ADCY5: variants seen among roughly 807,000 people sequenced by gnomAD.
ADCY5 encodes adenylate cyclase type 5.
Under a neutral mutation model 119.7 loss-of-function variants are expected in ADCY5, and 30 were observed. The ratio of observed to expected loss-of-function variants is 0.25; its 90% CI spans 0.19 to 0.34. The LOEUF (loss-of-function observed/expected upper bound fraction) is 0.34. ADCY5 is among the 10% of genes least tolerant of loss of function. The pLI is 1.00. For missense variants in ADCY5, 1,324 were observed against 1,775.2 expected (o/e 0.75, Z 4.57); for synonymous variants, 753 against 762.2 (o/e 0.99, Z 0.20).
At chr3:123,433,346 G>T (rs1165784293) in intron 1 of ADCY5, among the ~76,000 whole-genome samples, 1 of 152,152 alleles carries the variant, frequency 6.6e-6, no homozygotes, top group Admixed American at 6.5e-5. Context: ...GCCAGTCAAG[G>T]GGGCAGATGG....
intron 14 of ADCY5, among the ~76,000 whole-genome samples, chr3:123,302,424 C>T (rs1191422559): frequency 6.6e-6 from 1 of 152,224 alleles, no homozygotes; most frequent in African/African-American, 2.4e-5. Context: ...TCGGTGAACA[C>T]ACTAAAAGCT....
intron 17 of ADCY5, among the ~76,000 whole-genome samples, chr3:123,292,408 C>T (rs1939207808): frequency 6.6e-6 from 1 of 152,164 alleles, no homozygotes; most frequent in Non-Finnish European, 1.5e-5. Flanking sequence ...CAATGGCCAG[C>T]CCTGCCCCTA....
chr3:123,403,596 A>G (rs1944830935), intron 1 of ADCY5, among the ~76,000 whole-genome samples: 1 of 152,182 alleles, frequency 6.6e-6, no homozygotes, highest in Admixed American at 6.5e-5. Context: ...GTGCGCAATC[A>G]GTCCCTGGGT....
rs573807331 is a variant in ADCY5 at position 123,363,004 on chromosome 3, G to A, written c.1135-10423C>T. Among the ~76,000 whole-genome samples, 146 of 151,862 alleles carry A rather than the reference G, an allele frequency of 9.6e-4. 1 individual carries two copies. The highest frequency in any genetic ancestry group is 6.8e-3 in the Middle Eastern group (2 of 292). ...TAAAAACACAAAAAATTAGCTGGGCGTGGTGGTGCGCACCTGTAATCCCAG... is the reference window on the plus strand; with the variant it reads ...TAAAAACACAAAAAATTAGCTGGGCATGGTGGTGCGCACCTGTAATCCCAG... On this transcript the variant is annotated intron_variant, in intron 1 of 20. Transcript: ENST00000462833.
chr3:123,304,559 C>T (rs1940095001), intron 12 of ADCY5, among the ~76,000 whole-genome samples: 1 of 151,914 alleles, frequency 6.6e-6, no homozygotes. Context: ...GTGGAGGGCT[C>T]AGAATGTTCC....
At chr3:123,367,409 G>A (rs950639153) in intron 1 of ADCY5, among the ~76,000 whole-genome samples, 3 of 152,186 alleles carry the variant, frequency 2.0e-5, no homozygotes, top group South Asian at 2.1e-4. Flanking sequence ...ATAAGGAGAC[G>A]TTTGCTTTGA....
intron 1 of ADCY5, among the ~76,000 whole-genome samples, chr3:123,435,578 T>G (rs1559878099): frequency 6.6e-6 from 1 of 152,082 alleles, no homozygotes. Flanking sequence ...AAATCAAGGG[T>G]CCTTGTTTCT....
chr3:123,314,161 C>T, intron 12 of ADCY5, 74 bp downstream of exon 12: 1 of 1,282,978 alleles, frequency 7.8e-7, no homozygotes, highest in Non-Finnish European at 1.1e-6. Context: ...ACATTTTGGG[C>T]CCCTGGGTAG....
At chr3:123,396,771 AAGGAAGGAAGGCAGGCAGGC>A (rs1311074820) in intron 1 of ADCY5, among the ~76,000 whole-genome samples, 14 of 70,288 alleles carry the variant, frequency 2.0e-4, no homozygotes, top group African/African-American at 3.9e-4. Context: ...GGAAGGAAGG[AAGGAAGGAAGGCAGGCAGGC>A]AGGCAGGCAG....
chr3:123,393,424 G>A (rs1469558972), intron 1 of ADCY5, among the ~76,000 whole-genome samples: 1 of 151,978 alleles, frequency 6.6e-6, no homozygotes, highest in Admixed American at 6.6e-5. Flanking sequence ...GGCAGGGTGG[G>A]GTAATGCCTG....
chr3:123,382,425 A>AC (rs1475699222), intron 1 of ADCY5, among the ~76,000 whole-genome samples: 1 of 152,206 alleles, frequency 6.6e-6, no homozygotes. Flanking sequence ...TGAATTATAT[A>AC]CCCCAAATAA....
At chr3:123,410,281 TC>T (rs1168863591) in intron 1 of ADCY5, among the ~76,000 whole-genome samples, 1 of 152,070 alleles carries the variant, frequency 6.6e-6, no homozygotes, top group Non-Finnish European at 1.5e-5. Context: ...AAAGACTCCC[TC>T]CAGGGCAGCT....
intron 1 of ADCY5, among the ~76,000 whole-genome samples, chr3:123,439,917 G>A (rs1027202912): frequency 2.0e-5 from 3 of 152,204 alleles, no homozygotes; most frequent in Non-Finnish European, 4.4e-5. Flanking sequence ...GCAGTGCCAG[G>A]CAACAGCTCT....
At chr3:123,413,109 T>C (rs1945097815) in intron 1 of ADCY5, among the ~76,000 whole-genome samples, 1 of 152,222 alleles carries the variant, frequency 6.6e-6, no homozygotes, top group African/African-American at 2.4e-5. Flanking sequence ...TCCCCTGTTC[T>C]GTTTTCCCAT....
chr3:123,347,905 T>C lies in ADCY5; in HGVS notation c.1285-2A>G. 1 of 1,614,108 alleles carries C rather than the reference T, an allele frequency of 6.2e-7. No homozygotes were observed. The highest frequency in any genetic ancestry group is 8.5e-7 in the Non-Finnish European group (1 of 1,180,012). ...AAGGACAGACAGCAGGAGCCGTTCC[T>C]GCAGAGGGAAGCACATGCTTTCATC... On this transcript the variant is annotated splice_acceptor_variant, in intron 2 of 20. Coordinates refer to ENST00000462833, the MANE Select transcript of ADCY5 (RefSeq NM_183357.3). LOFTEE classifies it high-confidence loss of function.
In ADCY5 at chr3:123,415,712, T is replaced by C. The variant is rs75122191; in HGVS notation, c.1134+31700A>G. ...GGTGCGCCTTCTTACTACATTGTTT[T>C]TCTTTTTAAGTTCTCCTTCATTTAA... On this transcript the variant is annotated intron_variant, in intron 1 of 20. Coordinates refer to ENST00000462833, the MANE Select transcript of ADCY5 (RefSeq NM_183357.3). 9.7e-3 allele frequency among the ~76,000 whole-genome samples: 1,474 copies of C among 152,230 alleles called. 21 individuals are homozygous for C. The highest frequency in any genetic ancestry group is 0.033 in the African/African-American group (1,368 of 41,502).
rs543212616 is a variant in ADCY5, at chr3:123,440,893, A to G, written c.1134+6519T>C. 4.5e-4 allele frequency among the ~76,000 whole-genome samples: 68 copies of G among 152,242 alleles called. 1 individual carries two copies. The highest frequency in any genetic ancestry group is 1.6e-3 in the African/African-American group (67 of 41,536). On this transcript the variant is annotated intron_variant, in intron 1 of 20. Transcript: ENST00000462833. ...CCTCTCATCCTGTTTTACCACCACCACTATGACCCAATCGCCTTCCAGATC... is the reference window on the plus strand; with the variant it reads ...CCTCTCATCCTGTTTTACCACCACCGCTATGACCCAATCGCCTTCCAGATC...
chr3:123,286,388 G>C lies in ADCY5; in HGVS notation c.3657+297C>G, dbSNP rs578106261. Among the ~76,000 whole-genome samples, 1 of 152,218 alleles carries C rather than the reference G, an allele frequency of 6.6e-6. No individual in the cohort carries two copies. Among genetic ancestry groups the C allele is most frequent in the African/African-American group, 2.4e-5 (1 of 41,458 alleles). On this transcript the variant is annotated intron_variant, in intron 20 of 20. Coordinates refer to ENST00000462833, the MANE Select transcript of ADCY5 (RefSeq NM_183357.3). This position sits in a 1 kb window ranked among gnomAD's most constrained non-coding sequence, Gnocchi z 4.2. Reference sequence around the variant, plus strand: ...CCTGGGCTAGGAGGCACTGGGGCCTGCATGTGCACTCTCAGCTCGGCCTCT... The same window carrying C: ...CCTGGGCTAGGAGGCACTGGGGCCTCCATGTGCACTCTCAGCTCGGCCTCT...
chr3:123,315,756 A>G (rs1335719095), intron 11 of ADCY5, among the ~76,000 whole-genome samples: 1 of 151,902 alleles, frequency 6.6e-6, no homozygotes, highest in African/African-American at 2.4e-5. Context: ...TTGCGTCACC[A>G]CGCCCGGCTG....
Sources: allele counts gnomAD v4.1 joint callset (sites outside exome capture counted in the v4.1 genomes callset), GRCh38; gene constraint gnomAD v4.1.1; non-coding constraint Gnocchi (gnomAD v3.1); transcripts MANE v1.5; gene names NCBI Gene and HGNC (gene_info 2026-07-23, HGNC 2026-07-21).